The following PTPRD variants were observed in gnomAD, a reference collection of about 807,000 sequenced individuals.
PTPRD encodes protein tyrosine phosphatase receptor type D, also known as receptor-type tyrosine-protein phosphatase delta.
A neutral mutation model predicts 214.5 loss-of-function variants in PTPRD; 34 were observed. The ratio of observed to expected loss-of-function variants is 0.16; its 90% confidence interval spans 0.12 to 0.21. The LOEUF is 0.21. Ranked by LOEUF, PTPRD falls within the 10% of genes least tolerant of loss-of-function variation. PTPRD has a pLI of 1.00. For synonymous variants in PTPRD, 1,128 were observed against 845.7 expected, an observed-to-expected ratio of 1.33 and a Z score of -5.79; for missense variants, 2,545 against 2,398.7, an observed-to-expected ratio of 1.06 and a Z score of -1.27.
chr9:10,367,104 C>A (rs1242472825), intron 2 of PTPRD, among the ~76,000 whole-genome samples: 1 of 149,948 alleles, frequency 6.7e-6, no homozygotes, highest in African/African-American at 2.4e-5. Flanking sequence ...AGGACCTGTG[C>A]CTTATATATC....
At chr9:9,276,999 C>A (rs1292220235) in intron 9 of PTPRD, among the ~76,000 whole-genome samples, 1 of 151,164 alleles carries the variant, frequency 6.6e-6, no homozygotes, top group Middle Eastern at 3.2e-3. Context: ...CTTACCAAAT[C>A]CAAGAAAAGT....
intron 3 of PTPRD, among the ~76,000 whole-genome samples, chr9:10,144,592 T>A (rs1287981048): frequency 1.3e-5 from 2 of 152,266 alleles, no homozygotes; most frequent in Middle Eastern, 6.8e-3. Flanking sequence ...AATGGAGATG[T>A]CAGCATCATC....
chr9:8,857,243 T>A (rs1254033016), intron 11 of PTPRD, among the ~76,000 whole-genome samples: 2 of 152,012 alleles, frequency 1.3e-5, no homozygotes, highest in African/African-American at 4.8e-5. Context: ...AAAACAGTAA[T>A]CCCTGCCTTT....
At chr9:8,502,222 A>G (rs1270569701) in intron 23 of PTPRD, among the ~76,000 whole-genome samples, 1 of 152,178 alleles carries the variant, frequency 6.6e-6, no homozygotes, top group East Asian at 1.9e-4. Flanking sequence ...ACTTAATAAT[A>G]TTATGTTCCT....
At chr9:8,331,479 C>CCCAAAAA in intron 44 of PTPRD, 103 bp downstream of exon 44, 1 of 1,343,168 alleles carries the variant, frequency 7.4e-7, no homozygotes. Flanking sequence ...AATACATTGC[C>CCCAAAAA]AAGAATAAAA....
chr9:9,328,220 T>C (rs1406051107), intron 9 of PTPRD, among the ~76,000 whole-genome samples: 1 of 152,126 alleles, frequency 6.6e-6, no homozygotes, highest in Non-Finnish European at 1.5e-5. Flanking sequence ...CCGGAGCTAA[T>C]AGTAAACAGG....
At chr9:10,027,452 T>C (rs2096948141) in intron 4 of PTPRD, among the ~76,000 whole-genome samples, 1 of 152,138 alleles carries the variant, frequency 6.6e-6, no homozygotes, top group Non-Finnish European at 1.5e-5. Flanking sequence ...CTTCCAACAG[T>C]ATTTTGGGTC....
intron 8 of PTPRD, among the ~76,000 whole-genome samples, chr9:9,471,160 TATC>T (rs2146497276): frequency 6.6e-6 from 1 of 152,328 alleles, no homozygotes; most frequent in African/African-American, 2.4e-5. Flanking sequence ...CAAAATAATG[TATC>T]ATTTTCCCAG....
Position 8,353,824 on chromosome 9 carries a change from GTATATATGTATATATGTATATATGTA to G in PTPRD, c.4662-11872_4662-11847del, listed in dbSNP as rs1564199507. On this transcript the variant is annotated intron_variant, in intron 39 of 45. Coordinates refer to ENST00000381196, the MANE Select transcript of PTPRD (RefSeq NM_002839.4). The stretch of plus-strand genomic sequence containing the variant: ...GACTCCTTCTCAAAAAAAAATATAT[GTATATATGTATATATGTATATATGTA>G]TATATGTGTATATATGTATATATGT... 5.1e-4 allele frequency among the ~76,000 whole-genome samples: 4 copies of G among 7,892 alleles called. No homozygotes were observed. The East Asian group carries it at 0.026, about 51-fold the overall frequency. 5.2% of individuals were successfully genotyped at this position (7,892 alleles called of 152,430 possible).
intron 2 of PTPRD, among the ~76,000 whole-genome samples, chr9:10,503,316 T>C (rs1008892185): frequency 4.0e-5 from 6 of 151,730 alleles, no homozygotes; most frequent in Non-Finnish European, 7.4e-5. Context: ...ACAAGCCATG[T>C]ATATAGCAAA....
chr9:10,369,297 G>C (rs1565591740), intron 2 of PTPRD, among the ~76,000 whole-genome samples: 2 of 151,964 alleles, frequency 1.3e-5, no homozygotes, highest in Non-Finnish European at 2.9e-5. Flanking sequence ...TATTCAATTA[G>C]CACATTGCAT....
At chr9:9,156,485 A>G (rs1331955864) in intron 10 of PTPRD, among the ~76,000 whole-genome samples, 2 of 151,706 alleles carry the variant, frequency 1.3e-5, no homozygotes, top group African/African-American at 4.8e-5. Flanking sequence ...TTAATTAAAA[A>G]GCACCTCAAA....
At chr9:8,887,541 G>A (rs958612713) in intron 11 of PTPRD, among the ~76,000 whole-genome samples, 5 of 152,098 alleles carry the variant, frequency 3.3e-5, no homozygotes, top group Admixed American at 3.3e-4. Flanking sequence ...CTGGTCTGTT[G>A]CAAACATCAA....
intron 28 of PTPRD, 27 bp downstream of exon 28, chr9:8,485,735 G>A (rs780181811): frequency 1.3e-6 from 2 of 1,559,910 alleles, no homozygotes; most frequent in Non-Finnish European, 1.7e-6. Context: ...CTTTAAAGGA[G>A]GAAGGCCGTA....
At chr9:9,276,252 T>C (rs71497135) in intron 9 of PTPRD, among the ~76,000 whole-genome samples, 14,900 of 151,392 alleles carry the variant, frequency 0.098, 805 homozygotes, top group Middle Eastern at 0.18. Flanking sequence ...TGTGCTGATT[T>C]CTGTCTTCTC....
At chr9:9,652,441 G>A (rs1050542274) in intron 7 of PTPRD, among the ~76,000 whole-genome samples, 2 of 152,232 alleles carry the variant, frequency 1.3e-5, no homozygotes, top group East Asian at 3.9e-4. Context: ...GTTGGGGAAG[G>A]TATTTAGAGT....
chr9:8,644,984 C>A (rs1188864119), intron 12 of PTPRD, among the ~76,000 whole-genome samples: 2 of 152,316 alleles, frequency 1.3e-5, no homozygotes, highest in African/African-American at 4.8e-5. Flanking sequence ...AAATAACACC[C>A]CAAAGATCTT....
intron 3 of PTPRD, among the ~76,000 whole-genome samples, chr9:10,108,389 GTGA>G (rs2098656364): frequency 6.6e-6 from 1 of 151,922 alleles, no homozygotes; most frequent in South Asian, 2.1e-4. Flanking sequence ...TATAGTCACT[GTGA>G]TGTATGATAG....
At chr9:10,196,935 A>T (rs183448818) in intron 3 of PTPRD, among the ~76,000 whole-genome samples, 403 of 152,232 alleles carry the variant, frequency 2.6e-3, no homozygotes, top group Non-Finnish European at 4.3e-3. Context: ...AGTGAAGAAG[A>T]TGGTCCTCTA....
Sources: gnomAD v4.1 joint callset for allele counts (sites outside exome capture counted in the v4.1 genomes callset) on GRCh38, gnomAD v4.1.1 for gene constraint, MANE v1.5 for transcripts, NCBI Gene and HGNC (gene_info 2026-07-23, HGNC 2026-07-21) for gene names.